Variants in GNB4 observed in about 807,000 individuals in gnomAD.
GNB4 encodes the protein guanine nucleotide-binding protein subunit beta-4.
In GNB4, 28 loss-of-function variants were observed where a neutral mutation model predicts 45.2. The ratio of observed to expected loss-of-function variants is 0.62; its 90% CI spans 0.46 to 0.85. GNB4 has a LOEUF of 0.85. Ranked by LOEUF, GNB4 falls within the 40% of genes least tolerant of loss-of-function variation. GNB4 has a pLI of 0.00. For synonymous variants in GNB4, 132 were observed against 143.7 expected (o/e 0.92, Z 0.58); for missense variants, 321 against 425.4 (o/e 0.75, Z 2.16).
At chr3:179,455,680 G>T (rs1308459108), upstream of GNB4, among the ~76,000 whole-genome samples, 1 of 152,212 alleles carries the variant, frequency 6.6e-6, no homozygotes, top group Non-Finnish European at 1.5e-5. Flanking sequence ...TGACATATTA[G>T]TTATCTATTG....
chr3:179,519,089 G>A, the GNB4 span, among the ~76,000 whole-genome samples: 5 of 152,116 alleles, frequency 3.3e-5, no homozygotes, highest in African/African-American at 9.7e-5. Context: ...CACCTAAACC[G>A]CAGTGGCCAG....
At chr3:179,447,777 A>G (rs1715773943) in intron 1 of GNB4, among the ~76,000 whole-genome samples, 2 of 152,230 alleles carry the variant, frequency 1.3e-5, no homozygotes, top group South Asian at 4.1e-4. Flanking sequence ...TTTTGAAGGT[A>G]GAGCCCATAA....
chr3:179,496,298 G>A, the GNB4 span, among the ~76,000 whole-genome samples: 1 of 151,828 alleles, frequency 6.6e-6, no homozygotes, highest in Non-Finnish European at 1.5e-5. Flanking sequence ...TAACAATAAA[G>A]CAAAAGCCTA....
chr3:179,421,408 T>C (rs563082968), intron 2 of GNB4, among the ~76,000 whole-genome samples: 84 of 152,238 alleles, frequency 5.5e-4, no homozygotes, highest in Non-Finnish European at 9.7e-4. Flanking sequence ...ACATATTTAA[T>C]AAAAAAAGTT....
intron 1 of GNB4, among the ~76,000 whole-genome samples, chr3:179,439,567 T>C (rs1715545415): frequency 1.3e-5 from 2 of 152,212 alleles, no homozygotes; most frequent in South Asian, 4.1e-4. Flanking sequence ...CAAGGCAATG[T>C]GAATTGATAG....
intron 1 of GNB4, among the ~76,000 whole-genome samples, chr3:179,428,625 C>T (rs377247686): frequency 6.6e-6 from 1 of 152,102 alleles, no homozygotes; most frequent in Non-Finnish European, 1.5e-5. Flanking sequence ...AAAGAACTAT[C>T]GAGGGACCCT....
chr3:179,438,541 C>T (rs1443436150), intron 1 of GNB4, among the ~76,000 whole-genome samples: 2 of 152,196 alleles, frequency 1.3e-5, no homozygotes, highest in Non-Finnish European at 2.9e-5. Context: ...CTAATATCTA[C>T]AGTGATTAAT....
At chr3:179,522,968 C>G in the GNB4 span, among the ~76,000 whole-genome samples, 2 of 150,866 alleles carry the variant, frequency 1.3e-5, no homozygotes, top group South Asian at 4.2e-4. Flanking sequence ...GTGAGAGTAG[C>G]TTTTAGGGCT....
chr3:179,467,382 G>A, the GNB4 span, among the ~76,000 whole-genome samples: 1 of 152,106 alleles, frequency 6.6e-6, no homozygotes, highest in African/African-American at 2.4e-5. Flanking sequence ...AGGAGTAGAG[G>A]TTTAGAGTTT....
At chr3:179,520,296 T>G in the GNB4 span, among the ~76,000 whole-genome samples, 1 of 151,884 alleles carries the variant, frequency 6.6e-6, no homozygotes, top group African/African-American at 2.4e-5. Context: ...CTCGGCATAA[T>G]TCTCATAAAA....
At chr3:179,403,170 G>C (rs993925559) in intron 9 of GNB4, among the ~76,000 whole-genome samples, 3 of 152,156 alleles carry the variant, frequency 2.0e-5, no homozygotes, top group Non-Finnish European at 2.9e-5. Flanking sequence ...AGAGTAAATG[G>C]AGGCCGAGTC....
rs1450452313 is a variant in GNB4 at position 179,398,307 on chromosome 3, G to A, written c.*2906C>T. On this transcript the variant is annotated 3_prime_UTR_variant, in exon 10 of 10. Coordinates refer to ENST00000232564, the MANE Select transcript of GNB4 (RefSeq NM_021629.4). ...AGGCTGGTGGATCACTTGAGGCCAG[G>A]AGTACGAGATCAGACTGGCCAAGAT... 2 of 151,610 alleles carry A rather than the reference G, an allele frequency of 1.3e-5. No individual in the cohort carries two copies. The highest frequency in any genetic ancestry group is 2.4e-5 in the African/African-American group (1 of 41,276). 9.4% of individuals were successfully genotyped at this position (151,610 alleles called of 1,614,324 possible).
At chr3:179,490,905 A>G in the GNB4 span, among the ~76,000 whole-genome samples, 2 of 152,252 alleles carry the variant, frequency 1.3e-5, no homozygotes, top group Admixed American at 1.3e-4. Context: ...AAAATTAACC[A>G]TCACAGGCTA....
chr3:179,401,903 C>T (rs533587600), intron 9 of GNB4, among the ~76,000 whole-genome samples: 2 of 152,306 alleles, frequency 1.3e-5, no homozygotes, highest in Non-Finnish European at 2.9e-5. Context: ...TTCTTTCACA[C>T]ATTAAACTCA....
chr3:179,459,597 G>C, the GNB4 span, among the ~76,000 whole-genome samples: 2 of 151,868 alleles, frequency 1.3e-5, no homozygotes, highest in Admixed American at 1.3e-4. Flanking sequence ...CAGGAGAATC[G>C]CTTGAACCTG....
At chr3:179,467,489 C>G in the GNB4 span, among the ~76,000 whole-genome samples, 1 of 152,114 alleles carries the variant, frequency 6.6e-6, no homozygotes, top group African/African-American at 2.4e-5. Flanking sequence ...ACACTAGACT[C>G]TGGGGATTAC....
At chr3:179,421,037 C>T in intron 2 of GNB4, 110 bp from the exon 3 acceptor site, 1 of 658,718 alleles carries the variant, frequency 1.5e-6, no homozygotes, top group Non-Finnish European at 2.7e-6. Flanking sequence ...TGTACCACAT[C>T]TTTAAAAATT....
intron 1 of GNB4, among the ~76,000 whole-genome samples, chr3:179,441,085 C>G (rs1239232030): frequency 6.6e-6 from 1 of 152,202 alleles, no homozygotes; most frequent in Non-Finnish European, 1.5e-5. Flanking sequence ...ATTCCTTCTT[C>G]CACTCAACAA....
At chr3:179,401,647 T>C (rs899288684) in intron 9 of GNB4, among the ~76,000 whole-genome samples, 1 of 152,192 alleles carries the variant, frequency 6.6e-6, no homozygotes, top group Non-Finnish European at 1.5e-5. Flanking sequence ...CTCTAATAAG[T>C]TCTCGATATT....
Sources: gnomAD v4.1 joint callset for allele counts (sites outside exome capture counted in the v4.1 genomes callset) on GRCh38, gnomAD v4.1.1 for gene constraint, MANE v1.5 for transcripts, NCBI Gene and HGNC (gene_info 2026-07-23, HGNC 2026-07-21) for gene names.